Variants in SGCZ observed in about 807,000 individuals in gnomAD.
SGCZ encodes the protein sarcoglycan zeta.
In SGCZ, 40 loss-of-function variants were observed where a neutral mutation model predicts 41.3. The ratio of observed to expected loss-of-function variants is 0.97; its 90% CI spans 0.75 to 1.26. SGCZ has a LOEUF of 1.26. Ranked by LOEUF, SGCZ falls within the 50% of genes most tolerant of loss-of-function variation. The pLI, the probability that SGCZ is intolerant of heterozygous loss-of-function variation, is 0.00. For synonymous variants in SGCZ, 206 were observed against 137.5 expected, an observed-to-expected ratio of 1.50 and a Z score of -3.49; for missense variants, 552 against 369.8, an observed-to-expected ratio of 1.49 and a Z score of -4.04.
intron 1 of SGCZ, among the ~76,000 whole-genome samples, chr8:14,634,031 A>G (rs1056862633): frequency 3.9e-5 from 6 of 151,908 alleles, no homozygotes; most frequent in African/African-American, 4.8e-5. Flanking sequence ...AGAAATCTTG[A>G]CAAAGAAGAC....
chr8:14,825,097 A>T (rs1585294532), intron 1 of SGCZ, among the ~76,000 whole-genome samples: 1 of 151,440 alleles, frequency 6.6e-6, no homozygotes, highest in African/African-American at 2.4e-5. Context: ...ATCAGCATCC[A>T]GCTAGTAACC....
At chr8:14,890,747 A>T (rs1585353399) in intron 1 of SGCZ, among the ~76,000 whole-genome samples, 1 of 152,210 alleles carries the variant, frequency 6.6e-6, no homozygotes, top group Admixed American at 6.5e-5. Flanking sequence ...TAAGACTTTC[A>T]TAGCCAAAGA....
At chr8:14,569,341 G>A (rs1186843181) in intron 1 of SGCZ, among the ~76,000 whole-genome samples, 2 of 151,960 alleles carry the variant, frequency 1.3e-5, no homozygotes, top group African/African-American at 4.8e-5. Flanking sequence ...TTTTCACATA[G>A]ATCTCTTTGT....
chr8:14,502,450 G>A (rs181507925), intron 2 of SGCZ, among the ~76,000 whole-genome samples: 9 of 152,216 alleles, frequency 5.9e-5, no homozygotes, highest in Non-Finnish European at 1.3e-4. Flanking sequence ...TTTTGATACA[G>A]TTTATTTCTC....
chr8:14,712,284 G>C (rs779214410), intron 1 of SGCZ, among the ~76,000 whole-genome samples: 1 of 152,162 alleles, frequency 6.6e-6, no homozygotes, highest in Non-Finnish European at 1.5e-5. Context: ...TTGCAGGCTG[G>C]CGCTGCCTGG....
intron 1 of SGCZ, among the ~76,000 whole-genome samples, chr8:14,776,298 T>C (rs1300507893): frequency 6.6e-6 from 1 of 152,180 alleles, no homozygotes; most frequent in East Asian, 1.9e-4. Context: ...CATACTGTTA[T>C]TGTGGTAATG....
At chr8:14,693,454 G>C (rs1236068182) in intron 1 of SGCZ, among the ~76,000 whole-genome samples, 2 of 151,504 alleles carry the variant, frequency 1.3e-5, no homozygotes, top group African/African-American at 4.8e-5. Context: ...ACCACATCCA[G>C]ATAATTTTTG....
chr8:14,962,444 ATG>A (rs1175615925), intron 1 of SGCZ, among the ~76,000 whole-genome samples: 1 of 151,998 alleles, frequency 6.6e-6, no homozygotes, highest in Non-Finnish European at 1.5e-5. Flanking sequence ...AGAAAAATGA[ATG>A]TGTGTTCTAT....
intron 1 of SGCZ, among the ~76,000 whole-genome samples, chr8:14,850,920 C>T (rs916752413): frequency 6.6e-6 from 1 of 152,178 alleles, no homozygotes; most frequent in African/African-American, 2.4e-5. Context: ...CCTGACACCT[C>T]TCCAGCCGTA....
At chr8:14,621,302 G>T (rs1455254900) in intron 1 of SGCZ, among the ~76,000 whole-genome samples, 1 of 107,404 alleles carries the variant, frequency 9.3e-6, no homozygotes, top group Non-Finnish European at 1.8e-5. Context: ...TGGGGGGAGG[G>T]GGGAGGGATA....
intron 2 of SGCZ, among the ~76,000 whole-genome samples, chr8:14,511,319 C>A (rs879584156): frequency 6.6e-6 from 1 of 151,874 alleles, no homozygotes; most frequent in Non-Finnish European, 1.5e-5. Flanking sequence ...TCTATGGCTA[C>A]GTTTTATGGA....
intron 1 of SGCZ, among the ~76,000 whole-genome samples, chr8:14,850,701 T>A (rs550431709): frequency 2.0e-5 from 3 of 152,224 alleles, no homozygotes; most frequent in South Asian, 2.1e-4. Flanking sequence ...ATCCTCATAA[T>A]CTCCATGTGT....
At chr8:15,091,693 T>C (rs1806158384) in intron 1 of SGCZ, among the ~76,000 whole-genome samples, 1 of 152,300 alleles carries the variant, frequency 6.6e-6, no homozygotes, top group Admixed American at 6.5e-5. Flanking sequence ...CTTTAAAATC[T>C]GAGACCCATT....
At chr8:14,450,081 T>A (rs1234565155) in intron 2 of SGCZ, among the ~76,000 whole-genome samples, 1 of 152,178 alleles carries the variant, frequency 6.6e-6, no homozygotes, top group Non-Finnish European at 1.5e-5. Flanking sequence ...ATATTCAACA[T>A]ATTCATTAAA....
intron 1 of SGCZ, among the ~76,000 whole-genome samples, chr8:15,028,260 T>C (rs115804037): frequency 2.1e-3 from 317 of 152,278 alleles, no homozygotes; most frequent in African/African-American, 7.4e-3. Context: ...AGCAATTCCG[T>C]AGCTTTCGTG....
chr8:14,549,449 G>GA (rs1803733525), intron 2 of SGCZ, among the ~76,000 whole-genome samples: 1 of 151,964 alleles, frequency 6.6e-6, no homozygotes, highest in South Asian at 2.1e-4. Context: ...TTTACTGAGA[G>GA]AACAAGTGAA....
chr8:14,475,315 G>A (rs1220128152), intron 2 of SGCZ, among the ~76,000 whole-genome samples: 1 of 152,082 alleles, frequency 6.6e-6, no homozygotes. Context: ...TTGTGGAGTT[G>A]CTGCCAGAAT....
At chr8:14,553,611 C>G (rs906283958) in intron 2 of SGCZ, among the ~76,000 whole-genome samples, 2 of 152,026 alleles carry the variant, frequency 1.3e-5, no homozygotes, top group East Asian at 3.9e-4. Flanking sequence ...GGTTAAGCCA[C>G]CTGCCCGCAC....
intron 1 of SGCZ, among the ~76,000 whole-genome samples, chr8:14,993,994 G>A (rs1007470643): frequency 1.2e-4 from 18 of 152,166 alleles, no homozygotes; most frequent in Admixed American, 3.9e-4. Flanking sequence ...GGTAGGATAC[G>A]GCAGCAATCC....
Sources: allele counts gnomAD v4.1 joint callset (sites outside exome capture counted in the v4.1 genomes callset), GRCh38; gene constraint gnomAD v4.1.1; transcripts MANE v1.5; gene names NCBI Gene and HGNC (gene_info 2026-07-23, HGNC 2026-07-21).